FOCAD: variants seen among roughly 807,000 people sequenced by gnomAD.
The protein encoded by FOCAD is KIAA1797.
A neutral mutation model predicts 225.6 loss-of-function variants in FOCAD; 198 were observed. The ratio of observed to expected loss-of-function variants is 0.88; its 90% CI spans 0.78 to 0.99. The LOEUF (loss-of-function observed/expected upper bound fraction) is 0.99, where lower values mean the gene tolerates loss of function less well. Among genes scored for constraint, FOCAD ranks in the 50% least tolerant of loss-of-function variants. The probability of loss-of-function intolerance (pLI) is 0.00; values close to 1 mark genes in which losing one functional copy is unlikely to be tolerated. For synonymous variants in FOCAD, 897 were observed against 755.0 expected (o/e 1.19, Z -3.08); for missense variants, 2,713 against 2,123.6 (o/e 1.28, Z -5.46).
chr9:20,786,721 A>T (rs1439712775), intron 10 of FOCAD, among the ~76,000 whole-genome samples: 1 of 152,206 alleles, frequency 6.6e-6, no homozygotes, highest in Non-Finnish European at 1.5e-5. Context: ...TCTTATTGTT[A>T]CTACTTAATG....
chr9:20,911,592 C>T (rs751779542), intron 22 of FOCAD, among the ~76,000 whole-genome samples: 6 of 152,120 alleles, frequency 3.9e-5, no homozygotes, highest in Admixed American at 3.3e-4. Flanking sequence ...GACAACAAAT[C>T]TAATAACGGT....
At chr9:20,704,877 C>T (rs942903363) in intron 1 of FOCAD, among the ~76,000 whole-genome samples, 1 of 152,066 alleles carries the variant, frequency 6.6e-6, no homozygotes, top group African/African-American at 2.4e-5. Flanking sequence ...ATTAAAATTA[C>T]AAAACACATA....
intron 24 of FOCAD, among the ~76,000 whole-genome samples, chr9:20,917,290 A>G (rs1288433575): frequency 6.6e-6 from 1 of 152,044 alleles, no homozygotes; most frequent in Non-Finnish European, 1.5e-5. Context: ...CCTTGCTAAT[A>G]TGAGTTATGT....
At chr9:20,782,361 T>G (rs968671857) in intron 10 of FOCAD, among the ~76,000 whole-genome samples, 6 of 152,222 alleles carry the variant, frequency 3.9e-5, no homozygotes, top group African/African-American at 1.4e-4. Flanking sequence ...CTAAAACTTC[T>G]TTATTTAATA....
At chr9:20,948,958 A>G (rs1470947334) in intron 32 of FOCAD, 30 bp downstream of exon 32, 3 of 1,592,948 alleles carry the variant, frequency 1.9e-6, no homozygotes, top group Non-Finnish European at 2.6e-6. Flanking sequence ...AGGGGAAGAC[A>G]TCTAAATATG....
intron 15 of FOCAD, among the ~76,000 whole-genome samples, chr9:20,855,787 CT>C (rs1293479916): frequency 3.4e-5 from 5 of 146,168 alleles, no homozygotes; most frequent in Admixed American, 6.9e-5. Context: ...CATTTTACCC[CT>C]ATATTCTTTT....
At chr9:20,873,858 TCTGGCA>T (rs1830004939) in intron 18 of FOCAD, 1 of 152,128 alleles carries the variant, frequency 6.6e-6, no homozygotes, top group African/African-American at 2.4e-5. Flanking sequence ...ATGACTGGAT[TCTGGCA>T]CTTTATGGTT....
chr9:20,811,664 C>G (rs2131354840), intron 11 of FOCAD, among the ~76,000 whole-genome samples: 1 of 152,108 alleles, frequency 6.6e-6, no homozygotes, highest in South Asian at 2.1e-4. Flanking sequence ...TACATGCCTG[C>G]AAATTCCTTA....
At chr9:20,761,671 C>A (rs1010051124) in intron 6 of FOCAD, among the ~76,000 whole-genome samples, 1 of 152,074 alleles carries the variant, frequency 6.6e-6, no homozygotes, top group Non-Finnish European at 1.5e-5. Context: ...CCACCCGCCT[C>A]GGACTCCTAA....
At chr9:20,984,809 A>C (rs1343121773) in intron 39 of FOCAD, among the ~76,000 whole-genome samples, 1 of 152,136 alleles carries the variant, frequency 6.6e-6, no homozygotes, top group East Asian at 1.9e-4. Flanking sequence ...TTTTTAAAAA[A>C]AATATTTTTT....
At chr9:20,791,844 T>G (rs1445973905) in intron 11 of FOCAD, among the ~76,000 whole-genome samples, 3 of 152,172 alleles carry the variant, frequency 2.0e-5, no homozygotes, top group Non-Finnish European at 2.9e-5. Context: ...GAAGGATAGA[T>G]AGTGTACTCA....
At chr9:20,726,351 A>G (rs1252362377) in intron 4 of FOCAD, 1 of 152,128 alleles carries the variant, frequency 6.6e-6, no homozygotes, top group Non-Finnish European at 1.5e-5. Flanking sequence ...GGAACCAGGT[A>G]TTCAGTTTTG....
At position 20,983,570 on chromosome 9, in the gene FOCAD, CAA is replaced by C. The variant is rs371636885; in HGVS notation, c.4728+1140_4728+1141del. Among the ~76,000 whole-genome samples the C allele has an allele frequency of 2.4e-4, 24 of 98,400 alleles. 1 individual carries two copies. The highest frequency in any genetic ancestry group is 1.1e-3 in the South Asian group (3 of 2,770). The allele number at this position is 98,400 out of a possible 152,430, so 64.6% of individuals were successfully genotyped here. On this transcript the variant is annotated intron_variant, in intron 39 of 43. Transcript: ENST00000338382. ...CTGGTGACAGAACGAGACTCTGTCTCAAAAAAAAAAAAAAAAAGAATATATGG... is the reference window on the plus strand; with the variant it reads ...CTGGTGACAGAACGAGACTCTGTCTCAAAAAAAAAAAAAAAGAATATATGG...
At chr9:20,687,882 A>C (rs1822758323) in intron 1 of FOCAD, among the ~76,000 whole-genome samples, 1 of 152,162 alleles carries the variant, frequency 6.6e-6, no homozygotes, top group African/African-American at 2.4e-5. Context: ...ACTGTGTGCA[A>C]GGTTTGAGGA....
chr9:20,982,314 T>C (rs1840769388), intron 38 of FOCAD, 43 bp from the exon 39 acceptor site: 1 of 1,380,658 alleles, frequency 7.2e-7, no homozygotes, highest in African/African-American at 1.4e-5. Flanking sequence ...TGACCTGTTA[T>C]TTTACACTGT....
At chr9:20,987,016 G>A (rs1218218014) in intron 40 of FOCAD, among the ~76,000 whole-genome samples, 8 of 152,006 alleles carry the variant, frequency 5.3e-5, no homozygotes, top group South Asian at 2.1e-4. Flanking sequence ...GAATAAGAGC[G>A]CTCCCCCATT....
intron 15 of FOCAD, among the ~76,000 whole-genome samples, chr9:20,830,383 T>C (rs955426871): frequency 3.3e-5 from 5 of 152,138 alleles, no homozygotes; most frequent in African/African-American, 1.2e-4. Context: ...AGTGTTTTTA[T>C]CCCATTTCCA....
At chr9:20,798,559 TC>T (rs1821402452) in intron 11 of FOCAD, among the ~76,000 whole-genome samples, 1 of 152,216 alleles carries the variant, frequency 6.6e-6, no homozygotes, top group Admixed American at 6.5e-5. Flanking sequence ...TTCAACTTCT[TC>T]CTGGTTTAGT....
intron 8 of FOCAD, among the ~76,000 whole-genome samples, chr9:20,775,636 A>G (rs377690386): frequency 2.7e-4 from 41 of 152,178 alleles, no homozygotes; most frequent in Middle Eastern, 3.4e-3. Flanking sequence ...ATACTTTTCC[A>G]TGACTATACT....
Sources: gnomAD v4.1 joint callset for allele counts (sites outside exome capture counted in the v4.1 genomes callset) on GRCh38, gnomAD v4.1.1 for gene constraint, MANE v1.5 for transcripts, NCBI Gene and HGNC (gene_info 2026-07-23, HGNC 2026-07-21) for gene names.